PTPRS: variants seen among roughly 807,000 people sequenced by gnomAD.
PTPRS encodes protein tyrosine phosphatase receptor type S.
In PTPRS, 63 loss-of-function variants were observed where a neutral mutation model predicts 215.3. That is an observed-to-expected ratio of 0.29 (90% confidence interval 0.24 to 0.36). The LOEUF is 0.36. PTPRS is among the 10% of genes least tolerant of loss of function. PTPRS has a pLI of 1.00. For synonymous variants in PTPRS, 1,404 were observed against 1,191.4 expected (o/e 1.18, Z -3.68); for missense variants, 2,258 against 2,825.8 (o/e 0.80, Z 4.56).
intron 19 of PTPRS, among the ~76,000 whole-genome samples, chr19:5,221,516 C>T (rs111869461): frequency 7.9e-5 from 12 of 152,172 alleles, no homozygotes; most frequent in Admixed American, 5.9e-4. Flanking sequence ...TTTGACTGAG[C>T]CCTGATCCCA....
intron 22 of PTPRS, 139 bp downstream of exon 22, chr19:5,219,800 C>T: frequency 9.7e-7 from 1 of 1,031,858 alleles, no homozygotes; most frequent in Non-Finnish European, 1.4e-6. Flanking sequence ...GATCCCTCCG[C>T]TCCCAAGTCT....
intron 1 of PTPRS, among the ~76,000 whole-genome samples, chr19:5,331,055 A>G (rs1030549346): frequency 6.7e-6 from 1 of 149,790 alleles, no homozygotes; most frequent in African/African-American, 2.5e-5. Context: ...GTGGACGCTC[A>G]GGGACAAAGG....
rs2042852311 is a variant in PTPRS, at chr19:5,229,699, G to A, written c.2156-15C>T. The A allele has an allele frequency of 3.2e-6, 4 of 1,239,732 alleles. No individual in the cohort carries two copies. The highest frequency in any genetic ancestry group is 3.0e-6 in the Non-Finnish European group (3 of 990,544). The allele number at this position is 1,239,732 out of a possible 1,614,324, so 76.8% of individuals were successfully genotyped here. A position where few individuals can be genotyped will look rare whatever the true frequency, so the allele number is the denominator to read the frequency against. On this transcript the variant is annotated splice_polypyrimidine_tract_variant and intron_variant, in intron 14 of 37. Transcript: ENST00000262963. The stretch of plus-strand genomic sequence containing the variant: ...CGCGCTGGGCACTGGCGGGCGGGAG[G>A]GGAGGGGAGGGGCGGGCGGAGCCGT...
At position 5,214,745 on chromosome 19, in the gene PTPRS, A is replaced by G. The variant is rs2041257620; in HGVS notation, c.4319-9T>C. 6.3e-7 allele frequency: 1 copy of G among 1,592,666 alleles called. No individual in the cohort carries two copies. Among genetic ancestry groups the G allele is most frequent in the South Asian group, 1.1e-5 (1 of 90,004 alleles). On this transcript the variant is annotated splice_polypyrimidine_tract_variant and intron_variant, in intron 28 of 37. Transcript: ENST00000262963. ...ATCACTGCCCATGATGCCTGCAGCC[A>G]GGGCGAGAGGCCAGGGATCTGTGGG...
chr19:5,336,781 G>A (rs1020098381), intron 1 of PTPRS, among the ~76,000 whole-genome samples: 7 of 149,014 alleles, frequency 4.7e-5, no homozygotes, highest in African/African-American at 1.5e-4. Context: ...CCTGGTGAGC[G>A]GTTGGAGGGT....
intron 1 of PTPRS, among the ~76,000 whole-genome samples, chr19:5,321,560 A>G (rs1214985929): frequency 1.3e-5 from 2 of 152,194 alleles, no homozygotes; most frequent in Admixed American, 1.3e-4. Context: ...TCAGTGCTGT[A>G]AGGAGTTTGG....
intron 2 of PTPRS, among the ~76,000 whole-genome samples, chr19:5,281,356 G>A (rs1383385097): frequency 1.3e-5 from 2 of 152,116 alleles, no homozygotes; most frequent in Non-Finnish European, 2.9e-5. Flanking sequence ...AGCTACTCGG[G>A]AGGCTGAGGC....
At chr19:5,268,176 A>C (rs1043068381) in intron 4 of PTPRS, among the ~76,000 whole-genome samples, 3 of 128,274 alleles carry the variant, frequency 2.3e-5, no homozygotes, top group South Asian at 5.6e-4. Context: ...TCTCAAAATA[A>C]ATAAATAAAT....
chr19:5,251,290 C>A (rs1003455812), intron 9 of PTPRS, among the ~76,000 whole-genome samples: 24 of 152,084 alleles, frequency 1.6e-4, no homozygotes, highest in African/African-American at 4.6e-4. Context: ...GCCTCTCCCC[C>A]CCACCGCCAG....
chr19:5,216,814 G>C (rs749495353), intron 25 of PTPRS, 47 bp from the exon 26 acceptor site: 2 of 1,356,188 alleles, frequency 1.5e-6, no homozygotes, highest in South Asian at 1.3e-5. Flanking sequence ...AGGGGGTAGG[G>C]GGGGGTCCCA....
At chr19:5,239,162 GGGGAGAGAGA>G (rs1199525646) in intron 12 of PTPRS, 99 bp from the exon 13 acceptor site, 483 of 513,302 alleles carry the variant, frequency 9.4e-4, no homozygotes, top group Non-Finnish European at 1.4e-3. Context: ...GAGGGGGGAG[GGGGAGAGAGA>G]GAGAGAGAGA....
Position 5,237,220 on chromosome 19 carries a change from G to C in PTPRS, c.1849+1699C>G, listed in dbSNP as rs553726631. On this transcript the variant is annotated intron_variant, in intron 13 of 37. Coordinates refer to ENST00000262963, the MANE Select transcript of PTPRS (RefSeq NM_002850.4). This position sits in a 1 kb window ranked among gnomAD's most constrained non-coding sequence, Gnocchi z 4.2. ...GCTGGAGGCAGGAAGGTGGCACGGTGTCTGGGGAGACCCACGGCTGAGTGG... is the reference window on the plus strand; with the variant it reads ...GCTGGAGGCAGGAAGGTGGCACGGTCTCTGGGGAGACCCACGGCTGAGTGG... Among the ~76,000 whole-genome samples, 88 of 152,296 alleles carry C rather than the reference G, an allele frequency of 5.8e-4. No homozygotes were observed. The highest frequency in any genetic ancestry group is 2.1e-3 in the African/African-American group (88 of 41,566).
chr19:5,333,868 C>A (rs943886336), intron 1 of PTPRS, among the ~76,000 whole-genome samples: 1 of 152,312 alleles, frequency 6.6e-6, no homozygotes, highest in African/African-American at 2.4e-5. Flanking sequence ...GGTGAATATT[C>A]GAATGAATGC....
chr19:5,331,713 A>G lies in PTPRS; in HGVS notation c.-95+8951T>C, dbSNP rs1384098908. Among the ~76,000 whole-genome samples, 3 of 152,340 alleles carry G rather than the reference A, an allele frequency of 2.0e-5. No homozygotes were observed. In the East Asian group the frequency reaches 5.8e-4, roughly 29 times the overall value. On this transcript the variant is annotated intron_variant, in intron 1 of 37. Transcript: ENST00000262963. ...AGCCCCAAGAGCAAACGACTGCGCT[A>G]CAGAAAGAACGAGGGATGGAGAAGC...
In PTPRS at chr19:5,214,817, G is replaced by T. The variant is rs183785694; in HGVS notation, c.4319-81C>A. 7 of 1,409,190 alleles carry T rather than the reference G, an allele frequency of 5.0e-6. No individual in the cohort carries two copies. In the East Asian group the frequency reaches 1.5e-4, roughly 29 times the overall value. 87.3% of individuals were successfully genotyped at this position (1,409,190 alleles called of 1,614,324 possible). A position where few individuals can be genotyped will look rare whatever the true frequency, so the allele number is the denominator to read the frequency against. On this transcript the variant is annotated intron_variant, in intron 28 of 37. Transcript: ENST00000262963. Reference sequence around the variant, plus strand: ...CTGTGTGGCCAACCACTTCCTGGAAGTTCACTCTGACCGCTCCCAGATTGT... The same window carrying T: ...CTGTGTGGCCAACCACTTCCTGGAATTTCACTCTGACCGCTCCCAGATTGT...
chr19:5,332,827 C>T (rs930067085), intron 1 of PTPRS, among the ~76,000 whole-genome samples: 1 of 152,250 alleles, frequency 6.6e-6, no homozygotes, highest in South Asian at 2.1e-4. Flanking sequence ...GCTCTGGGGG[C>T]TTTCAGAGAA....
Position 5,235,211 on chromosome 19 carries a change from A to G in PTPRS, c.1850-3596T>C, listed in dbSNP as rs374618250. Among the ~76,000 whole-genome samples the G allele has an allele frequency of 5.1e-4, 77 of 152,124 alleles. 1 individual carries two copies. The highest frequency in any genetic ancestry group is 1.7e-3 in the African/African-American group (72 of 41,496). On this transcript the variant is annotated intron_variant, in intron 13 of 37. Transcript: ENST00000262963. The stretch of plus-strand genomic sequence containing the variant: ...CACCTCGGCCTCCCAAAGTGCTGGG[A>G]TTACAGGCATGAGCCGCCGCGCCCG...
chr19:5,306,001 AACCAGCAGCACAATAGGT>A (rs2049480750), intron 1 of PTPRS, among the ~76,000 whole-genome samples: 1 of 149,078 alleles, frequency 6.7e-6, no homozygotes, highest in Admixed American at 6.7e-5. Context: ...GAACAGAGAG[AACCAGCAGCACAATAGGT>A]ACAAATACTT....
At chr19:5,224,199 A>C (rs1400347906) in intron 17 of PTPRS, among the ~76,000 whole-genome samples, 4 of 144,500 alleles carry the variant, frequency 2.8e-5, no homozygotes, top group African/African-American at 7.8e-5. Context: ...GTAGGTCTCA[A>C]GAAAGCCTCA....
Sources: gnomAD v4.1 joint callset for allele counts (sites outside exome capture counted in the v4.1 genomes callset) on GRCh38, gnomAD v4.1.1 for gene constraint, Gnocchi (gnomAD v3.1) non-coding constraint, MANE v1.5 for transcripts, NCBI Gene and HGNC (gene_info 2026-07-23, HGNC 2026-07-21) for gene names.